The following UNC5D variants were observed in gnomAD, a reference collection of about 807,000 sequenced individuals.
UNC5D encodes netrin receptor UNC5D.
Under a neutral mutation model 105.4 loss-of-function variants are expected in UNC5D, and 39 were observed. That is an observed-to-expected ratio of 0.37 (90% CI 0.29 to 0.48). UNC5D has a LOEUF of 0.48. Among genes scored for constraint, UNC5D ranks in the 20% least tolerant of loss-of-function variants. The probability of loss-of-function intolerance (pLI) is 0.98; values close to 1 mark genes in which losing one functional copy is unlikely to be tolerated. For missense variants in UNC5D, 991 were observed against 1,202.4 expected (o/e 0.82, Z 2.60); for synonymous variants, 452 against 450.4 (o/e 1.00, Z -0.04).
Position 35,284,478 on chromosome 8 carries a change from C to T in UNC5D, c.103+48591C>T, listed in dbSNP as rs79534117. On this transcript the variant is annotated intron_variant, in intron 1 of 16. Transcript: ENST00000404895. ...TCACAGTTATCTTTATCCATTATCA[C>T]TGGCATATAAACCACATCTATTTTC... 7.8e-3 allele frequency among the ~76,000 whole-genome samples: 1,190 copies of T among 152,320 alleles called. 15 individuals carry two copies. Among genetic ancestry groups the T allele is most frequent in the African/African-American group, 0.027 (1,108 of 41,558 alleles).
chr8:35,336,953 A>G (rs1811091628), intron 1 of UNC5D, among the ~76,000 whole-genome samples: 1 of 152,174 alleles, frequency 6.6e-6, no homozygotes, highest in Non-Finnish European at 1.5e-5. Flanking sequence ...AGCAGTTGCT[A>G]TCTTATAACC....
At chr8:35,347,589 C>A (rs974650972) in intron 1 of UNC5D, among the ~76,000 whole-genome samples, 1 of 151,874 alleles carries the variant, frequency 6.6e-6, no homozygotes, top group African/African-American at 2.4e-5. Flanking sequence ...TGATATGATT[C>A]CTTTAGGATT....
chr8:35,249,030 T>C (rs1305701626), intron 1 of UNC5D, among the ~76,000 whole-genome samples: 2 of 32,958 alleles, frequency 6.1e-5, no homozygotes, highest in African/African-American at 1.2e-4. Context: ...TATATGTTTA[T>C]ATAATATATA....
At chr8:35,627,625 GT>G (rs1327310309) in intron 4 of UNC5D, among the ~76,000 whole-genome samples, 2 of 152,116 alleles carry the variant, frequency 1.3e-5, no homozygotes, top group African/African-American at 4.8e-5. Context: ...TGACAGTACT[GT>G]TTTTAAAAAG....
chr8:35,517,201 C>A (rs190836630), intron 1 of UNC5D, among the ~76,000 whole-genome samples: 1 of 152,128 alleles, frequency 6.6e-6, no homozygotes, highest in African/African-American at 2.4e-5. Context: ...TTTTCAGACA[C>A]GTGCCTCTCT....
chr8:35,429,799 C>T (rs1217367972), intron 1 of UNC5D, among the ~76,000 whole-genome samples: 1 of 152,118 alleles, frequency 6.6e-6, no homozygotes, highest in African/African-American at 2.4e-5. Context: ...AGTCCCCAGC[C>T]CATGACGACC....
intron 7 of UNC5D, among the ~76,000 whole-genome samples, chr8:35,701,654 A>T (rs72634975): frequency 6.6e-6 from 1 of 152,288 alleles, no homozygotes; most frequent in Non-Finnish European, 1.5e-5. Flanking sequence ...CCTCATATAC[A>T]CAAGGGCAGA....
chr8:35,446,725 G>C (rs1473340947), intron 1 of UNC5D, among the ~76,000 whole-genome samples: 1 of 151,938 alleles, frequency 6.6e-6, no homozygotes, highest in Non-Finnish European at 1.5e-5. Flanking sequence ...TTGCCCTTGG[G>C]TCTGTAGATC....
chr8:35,536,444 C>T (rs1186527904), intron 1 of UNC5D, among the ~76,000 whole-genome samples: 6 of 152,228 alleles, frequency 3.9e-5, no homozygotes, highest in Non-Finnish European at 8.8e-5. Context: ...AGAAGGTCAT[C>T]TCATTAAGAA....
chr8:35,783,496 A>G (rs750985513), intron 16 of UNC5D, among the ~76,000 whole-genome samples: 6 of 152,146 alleles, frequency 3.9e-5, no homozygotes, highest in Non-Finnish European at 7.3e-5. Context: ...TTTTGAATGA[A>G]AGTGAGGCCC....
chr8:35,636,520 A>G (rs1428960298), intron 4 of UNC5D, among the ~76,000 whole-genome samples: 1 of 152,110 alleles, frequency 6.6e-6, no homozygotes. Flanking sequence ...ATGTTCCCCT[A>G]GCATGGAGAT....
intron 7 of UNC5D, among the ~76,000 whole-genome samples, chr8:35,694,159 G>GAACC (rs1826597486): frequency 6.6e-6 from 1 of 152,154 alleles, no homozygotes; most frequent in Admixed American, 6.5e-5. Context: ...TCGTCGGTGA[G>GAACC]AGTGCAAATC....
chr8:35,568,246 G>A lies in UNC5D; in HGVS notation c.466+5G>A. ...AGGCCTCTGTGCGCATAGCCTGTAA[G>A]TACATTCTGGGTGACCTTGTCTTGT... On this transcript the variant is annotated splice_donor_5th_base_variant and intron_variant, in intron 3 of 16. Coordinates refer to ENST00000404895, the MANE Select transcript of UNC5D (RefSeq NM_080872.4). 6.2e-7 allele frequency: 1 copy of A among 1,613,550 alleles called. No homozygotes were observed. The highest frequency in any genetic ancestry group is 8.5e-7 in the Non-Finnish European group (1 of 1,179,710).
intron 1 of UNC5D, among the ~76,000 whole-genome samples, chr8:35,319,038 A>C (rs1475531519): frequency 2.0e-5 from 3 of 152,092 alleles, no homozygotes; most frequent in Non-Finnish European, 4.4e-5. Context: ...TTTAGAAAAA[A>C]GAAAGGATTC....
rs143577189 is a variant in UNC5D, at chr8:35,732,727, C to T, written c.1766+1631C>T. 2.8e-3 allele frequency among the ~76,000 whole-genome samples: 421 copies of T among 152,228 alleles called. 2 individuals carry two copies. The highest frequency in any genetic ancestry group is 9.4e-3 in the African/African-American group (389 of 41,534). On this transcript the variant is annotated intron_variant, in intron 11 of 16. Transcript: ENST00000404895. ...CCTACACACTCCTAGCTCTGCATCC[C>T]CCTCCCTTGGTTGTAATTGATCCAG...
At chr8:35,467,730 G>A (rs1450586682) in intron 1 of UNC5D, among the ~76,000 whole-genome samples, 1 of 152,176 alleles carries the variant, frequency 6.6e-6, no homozygotes, top group Non-Finnish European at 1.5e-5. Context: ...TTGGGCAGAT[G>A]TTGGGGTAGG....
chr8:35,411,751 C>T (rs2128958398), intron 1 of UNC5D, among the ~76,000 whole-genome samples: 1 of 152,064 alleles, frequency 6.6e-6, no homozygotes, highest in East Asian at 1.9e-4. Context: ...TTCTCTCTTA[C>T]CCCCTAGAAT....
chr8:35,321,166 T>G (rs2980392), intron 1 of UNC5D, among the ~76,000 whole-genome samples: 124,724 of 152,060 alleles, frequency 0.82, 51,609 homozygotes, highest in East Asian at 1. Context: ...TTGGTCACAG[T>G]TTATAATGAC....
chr8:35,604,819 C>A (rs1417597867), intron 4 of UNC5D, among the ~76,000 whole-genome samples: 1 of 152,194 alleles, frequency 6.6e-6, no homozygotes, highest in African/African-American at 2.4e-5. Context: ...GATACCTTTT[C>A]TTCCAGTTGA....
Sources: allele counts gnomAD v4.1 joint callset (sites outside exome capture counted in the v4.1 genomes callset), GRCh38; gene constraint gnomAD v4.1.1; transcripts MANE v1.5; gene names NCBI Gene and HGNC (gene_info 2026-07-23, HGNC 2026-07-21).